Variants in COLGALT2 observed in about 807,000 individuals in gnomAD.
The protein encoded by COLGALT2 is collagen beta(1-O)galactosyltransferase 2.
A neutral mutation model predicts 73.4 loss-of-function variants in COLGALT2; 49 were observed. That is an observed-to-expected ratio of 0.67 (90% CI 0.53 to 0.85). The LOEUF is 0.85. COLGALT2 is among the 40% of genes least tolerant of loss of function. The probability of loss-of-function intolerance (pLI) is 0.00; values close to 1 mark genes in which losing one functional copy is unlikely to be tolerated. For synonymous variants in COLGALT2, 295 were observed against 307.6 expected (o/e 0.96, Z 0.43); for missense variants, 722 against 790.2 (o/e 0.91, Z 1.03).
At chr1:184,002,500 A>G (rs543589410) in intron 1 of COLGALT2, among the ~76,000 whole-genome samples, 1 of 152,376 alleles carries the variant, frequency 6.6e-6, no homozygotes, top group South Asian at 2.1e-4. Flanking sequence ...GCTGCTTTGT[A>G]GCGACAGGAA....
intron 3 of COLGALT2, among the ~76,000 whole-genome samples, chr1:183,974,191 A>T (rs1402675582): frequency 1.3e-5 from 2 of 152,242 alleles, no homozygotes; most frequent in Non-Finnish European, 2.9e-5. Context: ...ATGAATTTTA[A>T]TGTGACAAGT....
intron 1 of COLGALT2, among the ~76,000 whole-genome samples, chr1:184,012,911 G>A (rs966165009): frequency 1.3e-5 from 2 of 152,212 alleles, no homozygotes; most frequent in Non-Finnish European, 2.9e-5. Context: ...TTCCTATAAG[G>A]CACCTCAGTG....
rs138015542 is a variant in COLGALT2, at chr1:183,984,880, C to T, written c.264-6360G>A. Among the ~76,000 whole-genome samples the T allele has an allele frequency of 2.7e-3, 412 of 152,214 alleles. 12 individuals carry two copies. In the South Asian group the frequency reaches 0.029, roughly 11 times the overall value. On this transcript the variant is annotated intron_variant, in intron 1 of 11. Transcript: ENST00000361927. ...TGTGATCACAGCACATGTAGGGATC[C>T]CCTTGGCTGATGATGCTCCCAGGTC... is the stretch of plus-strand genomic sequence containing the variant.
intron 1 of COLGALT2, among the ~76,000 whole-genome samples, chr1:183,996,179 G>A (rs1380654638): frequency 2.6e-5 from 4 of 152,298 alleles, no homozygotes; most frequent in South Asian, 2.1e-4. Context: ...CAGCTGGCCC[G>A]CATGCTGGGG....
At chr1:183,950,858 T>G in intron 8 of COLGALT2, 149 bp downstream of exon 8, 1 of 602,316 alleles carries the variant, frequency 1.7e-6, no homozygotes, top group Non-Finnish European at 3.0e-6. Flanking sequence ...GAAATTAACT[T>G]AAATGCTACT....
intron 2 of COLGALT2, among the ~76,000 whole-genome samples, chr1:183,977,722 G>A (rs907040677): frequency 4.0e-5 from 6 of 151,800 alleles, no homozygotes; most frequent in Non-Finnish European, 5.9e-5. Context: ...CCAGGAGTAC[G>A]AGGTTACAGT....
At chr1:183,986,898 C>T (rs1301525552) in intron 1 of COLGALT2, among the ~76,000 whole-genome samples, 1 of 152,026 alleles carries the variant, frequency 6.6e-6, no homozygotes, top group Non-Finnish European at 1.5e-5. Flanking sequence ...CAACACCCAC[C>T]CTCCCACTCC....
intron 1 of COLGALT2, among the ~76,000 whole-genome samples, chr1:184,002,314 C>T (rs1671953160): frequency 6.6e-6 from 1 of 152,166 alleles, no homozygotes; most frequent in South Asian, 2.1e-4. Flanking sequence ...GGCTAGACTC[C>T]ATGCCAGGAA....
intron 4 of COLGALT2, among the ~76,000 whole-genome samples, chr1:183,972,695 CTT>C (rs34534605): frequency 1.4e-5 from 2 of 142,900 alleles, no homozygotes; most frequent in African/African-American, 2.5e-5. Context: ...AATATTTGTA[CTT>C]TTTTTTTTTT....
At chr1:184,002,300 C>T (rs113072785) in intron 1 of COLGALT2, among the ~76,000 whole-genome samples, 2 of 152,324 alleles carry the variant, frequency 1.3e-5, no homozygotes, top group African/African-American at 4.8e-5. Context: ...GGAGAAGAAA[C>T]CTGGGCTAGA....
chr1:183,970,868 G>A (rs2102813731), intron 4 of COLGALT2, among the ~76,000 whole-genome samples: 1 of 152,248 alleles, frequency 6.6e-6, no homozygotes, highest in East Asian at 1.9e-4. Context: ...ATCCTCTATG[G>A]TTTTCCTAAT....
At chr1:183,996,787 C>A (rs913074493) in intron 1 of COLGALT2, among the ~76,000 whole-genome samples, 2 of 152,146 alleles carry the variant, frequency 1.3e-5, no homozygotes, top group African/African-American at 4.8e-5. Flanking sequence ...CAGCAGGTGT[C>A]CAAGACTCTA....
intron 1 of COLGALT2, among the ~76,000 whole-genome samples, chr1:184,006,659 T>C (rs1408906941): frequency 6.6e-6 from 1 of 151,996 alleles, no homozygotes; most frequent in African/African-American, 2.4e-5. Flanking sequence ...CTAACATAAC[T>C]GAGGCTATTT....
chr1:184,001,189 C>T (rs1671914621), intron 1 of COLGALT2, among the ~76,000 whole-genome samples: 1 of 152,104 alleles, frequency 6.6e-6, no homozygotes, highest in Admixed American at 6.6e-5. Flanking sequence ...TGAAAAGTCT[C>T]CTGTACTATG....
chr1:183,940,875 C>G, intron 10 of COLGALT2, 88 bp from the exon 11 acceptor site: 2 of 1,093,302 alleles, frequency 1.8e-6, no homozygotes, highest in Non-Finnish European at 2.8e-6. Context: ...ACATAGATAC[C>G]TCTGAAATCC....
At chr1:184,023,237 T>G (rs1170333383) in intron 1 of COLGALT2, among the ~76,000 whole-genome samples, 1 of 152,210 alleles carries the variant, frequency 6.6e-6, no homozygotes, top group Non-Finnish European at 1.5e-5. Context: ...CAGTCTCCCA[T>G]ATCTCTACTT....
chr1:184,018,663 TTAAG>T (rs1301510403), intron 1 of COLGALT2, among the ~76,000 whole-genome samples: 1 of 152,168 alleles, frequency 6.6e-6, no homozygotes, highest in Non-Finnish European at 1.5e-5. Flanking sequence ...TAAATATTTA[TTAAG>T]TAATAGGTAA....
At chr1:183,940,874 C>A in intron 10 of COLGALT2, 87 bp from the exon 11 acceptor site, 1 of 1,090,954 alleles carries the variant, frequency 9.2e-7, no homozygotes, top group Non-Finnish European at 1.4e-6. Flanking sequence ...TACATAGATA[C>A]CTCTGAAATC....
intron 1 of COLGALT2, among the ~76,000 whole-genome samples, chr1:184,030,079 T>A (rs1054571642): frequency 1.3e-5 from 2 of 152,236 alleles, no homozygotes; most frequent in Non-Finnish European, 2.9e-5. Flanking sequence ...ATATTCCCAA[T>A]CATACTTTTT....
Sources: allele counts gnomAD v4.1 joint callset (sites outside exome capture counted in the v4.1 genomes callset), GRCh38; gene constraint gnomAD v4.1.1; transcripts MANE v1.5; gene names NCBI Gene and HGNC (gene_info 2026-07-23, HGNC 2026-07-21).